NRAP: variants seen among roughly 807,000 people sequenced by gnomAD.
NRAP encodes nebulin-related-anchoring protein.
In NRAP, 189 loss-of-function variants were observed where a neutral mutation model predicts 225.9. That is an observed-to-expected ratio of 0.84 (90% CI 0.74 to 0.94). The LOEUF (loss-of-function observed/expected upper bound fraction) is 0.94, where lower values mean the gene tolerates loss of function less well. Among genes scored for constraint, NRAP ranks in the 40% least tolerant of loss-of-function variants. The pLI, the probability that NRAP is intolerant of heterozygous loss-of-function variation, is 0.00. For synonymous variants in NRAP, 769 were observed against 790.7 expected (o/e 0.97, Z 0.46); for missense variants, 2,176 against 2,168.7 (o/e 1.00, Z -0.07).
intron 5 of NRAP, among the ~76,000 whole-genome samples, chr10:113,653,551 T>C (rs1850121554): frequency 6.6e-6 from 1 of 152,210 alleles, no homozygotes; most frequent in Admixed American, 6.5e-5. Flanking sequence ...TTTTCCAAAG[T>C]AGATTCTTCA....
rs151007500 is a variant in NRAP at position 113,623,569 on chromosome 10, G to T, written c.2417C>A (p.Thr806Asn). 1.1e-5 allele frequency: 17 copies of T among 1,613,868 alleles called. No individual in the cohort carries two copies. The highest frequency in any genetic ancestry group is 1.2e-5 in the Non-Finnish European group (14 of 1,179,802). ...CCTCTTGGCTTTGGCTGCCAGGAAGGTCAAGGAATCAAGACGCAGCTCAAA... is the reference window on the plus strand; with the variant it reads ...CCTCTTGGCTTTGGCTGCCAGGAAGTTCAAGGAATCAAGACGCAGCTCAAA... ...KGFELRLDSL[T>N]FLAAKAKRDL... Residue 806 changes from threonine (T) to asparagine (N), a missense_variant, in exon 23 of 42, where the codon ACC (threonine) becomes AAC (asparagine). Transcript: ENST00000359988.
At chr10:113,622,593 A>G (rs1367731259) in intron 23 of NRAP, among the ~76,000 whole-genome samples, 1 of 152,194 alleles carries the variant, frequency 6.6e-6, no homozygotes, top group Non-Finnish European at 1.5e-5. Flanking sequence ...AAGGACCAGA[A>G]GCAAGAATAA....
At chr10:113,650,231 T>G (rs535828935) in intron 8 of NRAP, 90 bp from the exon 9 acceptor site, 1 of 897,022 alleles carries the variant, frequency 1.1e-6, no homozygotes, top group African/African-American at 1.6e-5. Context: ...TGGAATGTTC[T>G]TTTTCTGCTT....
At chr10:113,597,326 A>C in intron 36 of NRAP, 142 bp from the exon 37 acceptor site, 1 of 621,252 alleles carries the variant, frequency 1.6e-6, no homozygotes, top group Non-Finnish European at 2.9e-6. Context: ...GTAGGTACCT[A>C]ACAATCAAGA....
Position 113,645,943 on chromosome 10 carries a change from T to C in NRAP, c.994-2A>G, listed in dbSNP as rs1849478723. ...ATTGAAGTCCTGCCTGTATTTTATC[T>C]GAAAAAAAAAACACAAAACGGGGCT... On this transcript the variant is annotated splice_acceptor_variant, in intron 10 of 41. Coordinates refer to ENST00000359988, the MANE Select transcript of NRAP (RefSeq NM_198060.4). LOFTEE classifies it high-confidence loss of function. 2 of 1,444,568 alleles carry C rather than the reference T, an allele frequency of 1.4e-6. No homozygotes were observed. Among genetic ancestry groups the C allele is most frequent in the Non-Finnish European group, 9.3e-7 (1 of 1,072,214 alleles). The allele number at this position is 1,444,568 out of a possible 1,614,324, so 89.5% of individuals were successfully genotyped here. A position where few individuals can be genotyped will look rare whatever the true frequency, so the allele number is the denominator to read the frequency against.
At chr10:113,615,679 C>T (rs773731850) in intron 27 of NRAP, 33 bp downstream of exon 27, 8 of 1,216,928 alleles carry the variant, frequency 6.6e-6, no homozygotes, top group Non-Finnish European at 9.8e-6. Context: ...GCTCTCCCGT[C>T]ATTAAAACTC....
intron 19 of NRAP, among the ~76,000 whole-genome samples, chr10:113,629,382 G>A (rs1441082764): frequency 2.0e-5 from 3 of 152,072 alleles, no homozygotes; most frequent in African/African-American, 7.2e-5. Context: ...CTTGACTTTA[G>A]CATTAGCTGT....
chr10:113,612,337 A>T lies in NRAP; in HGVS notation c.3395T>A (p.Leu1132Gln), dbSNP rs200741669. ...ALVHAKKAQT[L>Q]ASNQDYKHPL... ...ATGTTTGTAGTCCTGATTGCTGGCC[A>T]GGGTCTGAGCCTTCTTGGCATGCAC... Residue 1132 changes from leucine to glutamine, a missense_variant, in exon 30 of 42, where the codon CTG (leucine) becomes CAG (glutamine). Around this residue, in one of 3 missense-constraint regions of NRAP, gnomAD observed 1,708 missense variants for 1,695.5 expected, o/e 1.01. Transcript: ENST00000359988. 3 of 1,614,204 alleles carry T rather than the reference A, an allele frequency of 1.9e-6. No individual in the cohort carries two copies.
rs372343439 is a variant in NRAP, at chr10:113,646,952, C to T, written c.964G>A (p.Ala322Thr). Reference protein sequence around the residue: ...PAMITPAYQNAKKAHELASDI... With the variant: ...PAMITPAYQNTKKAHELASDI... ...CTAGCGAGTTCGTGAGCTTTCTTGGCGTTCTGATATGCTGGAGTGATCATA... is the reference window on the plus strand; with the variant it reads ...CTAGCGAGTTCGTGAGCTTTCTTGGTGTTCTGATATGCTGGAGTGATCATA... The change falls in exon 10 of 42, where the codon GCC (alanine) becomes ACC (threonine). Residue 322 changes from alanine to threonine, a missense_variant. Coordinates refer to ENST00000359988, the MANE Select transcript of NRAP (RefSeq NM_198060.4). The T allele has an allele frequency of 2.5e-5, 41 of 1,613,770 alleles. No homozygotes were observed. The highest frequency in any genetic ancestry group is 1.3e-4 in the African/African-American group (10 of 74,904).
Position 113,589,796 on chromosome 10 carries a change from A to C in NRAP, c.4958T>G (p.Val1653Gly), listed in dbSNP as rs1396252750. 3.7e-6 allele frequency: 6 copies of C among 1,613,478 alleles called. No individual in the cohort carries two copies. The highest frequency in any genetic ancestry group is 5.1e-6 in the Non-Finnish European group (6 of 1,179,862). The change falls in exon 41 of 42, where the codon GTC becomes GGC. Residue 1653 changes from valine to glycine, a missense_variant and splice_region_variant. By Grantham distance (109) the Val-to-Gly change is moderately radical (BLOSUM62 -3). Coordinates refer to ENST00000359988, the MANE Select transcript of NRAP (RefSeq NM_198060.4). ...CAGGTTCAAGTCTGATTTATACTTG[A>C]CCTTGAGGGTAAGAGGGAAGCAAGA... ...AQKAHQLQSDVKYKSDLNLTR... is the reference protein window; with the variant it reads ...AQKAHQLQSDGKYKSDLNLTR...
At chr10:113,648,397 A>G (rs1849712279) in intron 9 of NRAP, among the ~76,000 whole-genome samples, 1 of 147,224 alleles carries the variant, frequency 6.8e-6, no homozygotes, top group Non-Finnish European at 1.5e-5. Context: ...GGCTTTGTCC[A>G]TTCTGCTCTA....
intron 38 of NRAP, among the ~76,000 whole-genome samples, chr10:113,594,711 C>T (rs1846186852): frequency 6.6e-6 from 1 of 152,266 alleles, no homozygotes; most frequent in African/African-American, 2.4e-5. Flanking sequence ...GCATTCACTG[C>T]ATGGGATCCC....
chr10:113,613,343 A>G (rs557974535), intron 29 of NRAP, among the ~76,000 whole-genome samples: 1 of 152,188 alleles, frequency 6.6e-6, no homozygotes, highest in Admixed American at 6.5e-5. Flanking sequence ...TGAGAGGTAG[A>G]GCTGGCTCCA....
intron 14 of NRAP, among the ~76,000 whole-genome samples, chr10:113,638,407 G>A (rs1473395852): frequency 6.6e-6 from 1 of 152,078 alleles, no homozygotes; most frequent in African/African-American, 2.4e-5. Flanking sequence ...TAAAGGGAAT[G>A]CTCTCAAATT....
At chr10:113,593,512 C>T (rs1346748298) in intron 38 of NRAP, among the ~76,000 whole-genome samples, 2 of 152,204 alleles carry the variant, frequency 1.3e-5, no homozygotes. Flanking sequence ...AAACCCTGAG[C>T]CAAACGTCTA....
chr10:113,595,588 TG>T, intron 38 of NRAP, 34 bp downstream of exon 38: 1 of 1,322,038 alleles, frequency 7.6e-7, no homozygotes, highest in Admixed American at 1.7e-5. Context: ...TTTACAAAAG[TG>T]GGCACACGTT....
chr10:113,605,588 G>A (rs1437792757), intron 34 of NRAP, among the ~76,000 whole-genome samples, 174 bp downstream of exon 34: 2 of 152,182 alleles, frequency 1.3e-5, no homozygotes, highest in East Asian at 1.9e-4. Context: ...GATTAATAGA[G>A]CCTTTCTTTT....
In NRAP at chr10:113,590,851, C is replaced by T. The variant is rs780272482; in HGVS notation, c.4683G>A (p.Leu1561=). 3 of 1,614,208 alleles carry T rather than the reference C, an allele frequency of 1.9e-6. No homozygotes were observed. Among genetic ancestry groups the T allele is most frequent in the South Asian group, 2.2e-5 (2 of 91,084 alleles). ...YKEAFLRDRG[L]QIGYRSVDDD... is the part of the protein sequence containing the mutation. ...CGTCGACACTGCGGTACCCGATCTG[C>T]AGGCCTCGGTCCCGCAGGAAAGCCT... The change falls in exon 40 of 42, where the codon CTG becomes CTA. Residue 1561 remains leucine, a synonymous_variant. Coordinates refer to ENST00000359988, the MANE Select transcript of NRAP (RefSeq NM_198060.4).
intron 15 of NRAP, among the ~76,000 whole-genome samples, chr10:113,633,858 G>T (rs1848708321): frequency 6.6e-6 from 1 of 152,262 alleles, no homozygotes; most frequent in South Asian, 2.1e-4. Context: ...ATGAAGCAGG[G>T]TGGCCATGAG....
Sources: gnomAD v4.1 joint callset for allele counts (sites outside exome capture counted in the v4.1 genomes callset) on GRCh38, gnomAD v4.1.1 for gene constraint, gnomAD v4.1.1 regional missense constraint, MANE v1.5 for transcripts, NCBI Gene and HGNC (gene_info 2026-07-23, HGNC 2026-07-21) for gene names.